TUSC3: variants seen among roughly 807,000 people sequenced by gnomAD.
TUSC3 encodes the protein dolichyl-diphosphooligosaccharide--protein glycosyltransferase subunit TUSC3.
Under a neutral mutation model 44.8 loss-of-function variants are expected in TUSC3, and 45 were observed. The observed-to-expected ratio is 1.00, with a 90% CI of 0.79 to 1.29. TUSC3 has a LOEUF of 1.29. TUSC3 is among the 50% of genes most tolerant of loss of function. The pLI, the probability that TUSC3 is intolerant of heterozygous loss-of-function variation, is 0.00. For synonymous variants in TUSC3, 212 were observed against 152.9 expected (o/e 1.39, Z -2.85); for missense variants, 519 against 437.9 (o/e 1.19, Z -1.65).
chr8:15,470,638 G>T (rs139107280), intron 1 of TUSC3, among the ~76,000 whole-genome samples: 58 of 152,166 alleles, frequency 3.8e-4, no homozygotes, highest in Admixed American at 1.2e-3. Context: ...GTACACAGCA[G>T]GTCCCCAAAT....
At chr8:15,678,503 C>G (rs1335565186) in intron 6 of TUSC3, among the ~76,000 whole-genome samples, 3 of 151,986 alleles carry the variant, frequency 2.0e-5, no homozygotes, top group Non-Finnish European at 1.5e-5. Flanking sequence ...AAATAAAAGT[C>G]TCATCAATTA....
intron 1 of TUSC3, among the ~76,000 whole-genome samples, chr8:15,619,134 C>T (rs1805128402): frequency 6.6e-6 from 1 of 152,204 alleles, no homozygotes; most frequent in South Asian, 2.1e-4. Context: ...GTATTTTAGC[C>T]TAGTTTAAGT....
At chr8:15,495,351 T>G (rs573770233) in intron 2 of TUSC3, among the ~76,000 whole-genome samples, 13 of 152,292 alleles carry the variant, frequency 8.5e-5, no homozygotes, top group African/African-American at 3.1e-4. Flanking sequence ...AACCCAATGT[T>G]GGTGTTTTGT....
intron 1 of TUSC3, among the ~76,000 whole-genome samples, chr8:15,562,880 C>T (rs770928453): frequency 4.6e-5 from 7 of 152,102 alleles, no homozygotes; most frequent in Non-Finnish European, 7.4e-5. Flanking sequence ...GATAATCTCT[C>T]ATTTAAATAA....
At chr8:15,571,028 C>G (rs557332994) in intron 1 of TUSC3, among the ~76,000 whole-genome samples, 1 of 125,172 alleles carries the variant, frequency 8.0e-6, no homozygotes, top group South Asian at 2.6e-4. Flanking sequence ...ATGATCTTGG[C>G]TCACTGCAAC....
chr8:15,448,012 A>C (rs1320969245), intron 1 of TUSC3, among the ~76,000 whole-genome samples: 2 of 150,832 alleles, frequency 1.3e-5, no homozygotes, highest in African/African-American at 4.9e-5. Flanking sequence ...TTAAGTAATC[A>C]ATAGCCAGGC....
intron 2 of TUSC3, among the ~76,000 whole-genome samples, chr8:15,485,522 C>A (rs533149145): frequency 1.4e-5 from 2 of 140,402 alleles, no homozygotes; most frequent in Non-Finnish European, 3.0e-5. Flanking sequence ...GAGTGCAGGG[C>A]CACTTGCATT....
intron 1 of TUSC3, among the ~76,000 whole-genome samples, chr8:15,466,705 C>A (rs1800419042): frequency 6.6e-6 from 1 of 152,080 alleles, no homozygotes; most frequent in South Asian, 2.1e-4. Flanking sequence ...TTGAGATTTT[C>A]TTTAATTCCT....
chr8:15,469,374 A>G (rs1800454906), intron 1 of TUSC3, among the ~76,000 whole-genome samples: 1 of 152,234 alleles, frequency 6.6e-6, no homozygotes, highest in Admixed American at 6.5e-5. Context: ...CACCGAAGAT[A>G]TACAGATGGC....
At chr8:15,504,953 T>A (rs1318660157) in intron 2 of TUSC3, among the ~76,000 whole-genome samples, 2 of 152,004 alleles carry the variant, frequency 1.3e-5, no homozygotes, top group African/African-American at 4.8e-5. Context: ...TTTCTTTCCG[T>A]AATTCATGTA....
chr8:15,420,332 A>G (rs62500484), intron 1 of TUSC3, among the ~76,000 whole-genome samples: 102 of 152,090 alleles, frequency 6.7e-4, no homozygotes, highest in Non-Finnish European at 1.1e-3. Flanking sequence ...CCTCGTCTCT[A>G]CTAAAAATAA....
At chr8:15,437,342 T>G (rs1040209175) in intron 1 of TUSC3, among the ~76,000 whole-genome samples, 1 of 152,210 alleles carries the variant, frequency 6.6e-6, no homozygotes, top group African/African-American at 2.4e-5. Context: ...TATCTCTGTT[T>G]ACTACATTTC....
chr8:15,448,112 T>TAC (rs1305057611), intron 1 of TUSC3, among the ~76,000 whole-genome samples: 76,335 of 97,914 alleles, frequency 0.78, 33,918 homozygotes, highest in Non-Finnish European at 0.93. Flanking sequence ...TATATACATA[T>TAC]ATATATATTT....
At chr8:15,525,446 A>G (rs2129130119) in intron 2 of TUSC3, among the ~76,000 whole-genome samples, 1 of 152,350 alleles carries the variant, frequency 6.6e-6, no homozygotes, top group East Asian at 1.9e-4. Flanking sequence ...ATGTTAAGCA[A>G]TAGTCCTACT....
the TUSC3 span, among the ~76,000 whole-genome samples, chr8:15,779,695 A>G: frequency 6.6e-6 from 1 of 152,184 alleles, no homozygotes; most frequent in Non-Finnish European, 1.5e-5. Flanking sequence ...AGTCTTTTTA[A>G]TTGCGTGTTT....
chr8:15,421,755 C>G (rs1265269265), intron 1 of TUSC3, among the ~76,000 whole-genome samples: 1 of 152,110 alleles, frequency 6.6e-6, no homozygotes, highest in Non-Finnish European at 1.5e-5. Flanking sequence ...AATGAGGTCT[C>G]CACGTCATCT....
At chr8:15,735,921 G>C (rs1157265289) in intron 7 of TUSC3, among the ~76,000 whole-genome samples, 1 of 151,264 alleles carries the variant, frequency 6.6e-6, no homozygotes, top group Non-Finnish European at 1.5e-5. Context: ...GTAGAGACGG[G>C]GTTTCACTGT....
intron 2 of TUSC3, among the ~76,000 whole-genome samples, chr8:15,506,488 T>G (rs1038463446): frequency 3.3e-5 from 5 of 152,200 alleles, no homozygotes; most frequent in Non-Finnish European, 5.9e-5. Flanking sequence ...CATGCTGTTA[T>G]GAAGAAATAC....
chr8:15,422,566 G>A (rs568731644), intron 1 of TUSC3, among the ~76,000 whole-genome samples: 4 of 152,132 alleles, frequency 2.6e-5, no homozygotes, highest in South Asian at 2.1e-4. Flanking sequence ...TTGCTAAGAC[G>A]GTAGATTTTA....
Sources: allele counts gnomAD v4.1 joint callset (sites outside exome capture counted in the v4.1 genomes callset), GRCh38; gene constraint gnomAD v4.1.1; transcripts MANE v1.5; gene names NCBI Gene and HGNC (gene_info 2026-07-23, HGNC 2026-07-21).